The following TARS3 variants were observed in gnomAD, a reference collection of about 807,000 sequenced individuals.
The protein encoded by TARS3 is threonyl-tRNA synthetase 3.
In TARS3, 94 loss-of-function variants were observed where a neutral mutation model predicts 103.5. The ratio of observed to expected loss-of-function variants is 0.91; its 90% CI spans 0.77 to 1.08. The LOEUF (loss-of-function observed/expected upper bound fraction) is 1.08. Among genes scored for constraint, TARS3 ranks in the 50% least tolerant of loss-of-function variants. The pLI is 0.00. For missense variants in TARS3, 952 were observed against 995.2 expected (o/e 0.96, Z 0.58); for synonymous variants, 416 against 355.4 (o/e 1.17, Z -1.92).
At chr15:101,718,144 A>C (rs1238038790) in intron 3 of TARS3, among the ~76,000 whole-genome samples, 1 of 152,150 alleles carries the variant, frequency 6.6e-6, no homozygotes, top group Admixed American at 6.6e-5. Context: ...TGCTGTGGGC[A>C]GACCACCTGA....
At chr15:101,706,225 T>C (rs923466983) in intron 6 of TARS3, among the ~76,000 whole-genome samples, 5 of 152,194 alleles carry the variant, frequency 3.3e-5, no homozygotes, top group African/African-American at 1.2e-4. Context: ...TGACCTCTAG[T>C]GATCCGCCTG....
At chr15:101,657,447 G>A (rs754019889) in intron 17 of TARS3, among the ~76,000 whole-genome samples, 28 of 152,242 alleles carry the variant, frequency 1.8e-4, no homozygotes, top group Non-Finnish European at 3.4e-4. Flanking sequence ...CTGACTCGTA[G>A]GAACTGTGAG....
intron 2 of TARS3, 27 bp from the exon 3 acceptor site, chr15:101,721,349 T>C (rs1596333412): frequency 6.4e-7 from 1 of 1,574,492 alleles, no homozygotes; most frequent in East Asian, 2.3e-5. Context: ...CATAATGAGA[T>C]TAATATATAC....
rs150592784 is a variant in TARS3, at chr15:101,711,876, T to C, written c.812+4A>G. On this transcript the variant is annotated splice_donor_region_variant and intron_variant, in intron 5 of 18. Coordinates refer to ENST00000335968, the MANE Select transcript of TARS3 (RefSeq NM_152334.3). ...CATTCACAAGCCAGTATTCAGTGTGTTACCTGTCTTCAATGAACATGTCAT... is the reference window on the plus strand; with the variant it reads ...CATTCACAAGCCAGTATTCAGTGTGCTACCTGTCTTCAATGAACATGTCAT... The C allele has an allele frequency of 7.2e-3, 11,540 of 1,613,592 alleles. 59 individuals carry two copies. The highest frequency in any genetic ancestry group is 0.011 in the Admixed American group (649 of 59,966).
chr15:101,698,991 G>A (rs1260435274), intron 10 of TARS3, among the ~76,000 whole-genome samples: 1 of 152,112 alleles, frequency 6.6e-6, no homozygotes, highest in African/African-American at 2.4e-5. Context: ...AGTGGAAGCC[G>A]GCCCTAACCC....
At chr15:101,710,312 G>T (rs1241119777) in intron 5 of TARS3, among the ~76,000 whole-genome samples, 1 of 152,092 alleles carries the variant, frequency 6.6e-6, no homozygotes, top group East Asian at 1.9e-4. Flanking sequence ...TAATACACTG[G>T]TAAGGTAAGT....
intron 5 of TARS3, 94 bp downstream of exon 5, chr15:101,711,786 G>T: frequency 7.0e-7 from 1 of 1,438,244 alleles, no homozygotes; most frequent in Non-Finnish European, 9.4e-7. Flanking sequence ...TTATGTAAGG[G>T]CCAGCAGTAT....
chr15:101,708,605 T>C (rs1050692502), intron 6 of TARS3, among the ~76,000 whole-genome samples, 188 bp downstream of exon 6: 1 of 152,128 alleles, frequency 6.6e-6, no homozygotes, highest in Non-Finnish European at 1.5e-5. Flanking sequence ...ATGTCTCCCC[T>C]CAAATGTTCA....
rs139414116 is a variant in TARS3, at chr15:101,658,396, GA to G, written c.2073-540del. On this transcript the variant is annotated intron_variant, in intron 16 of 18. Transcript: ENST00000335968. ...GGCTCTTAAGGGAATTCCACTGAGTGAAAAAAAAAAAGCCTACTTCAAAAGT... is the reference window on the plus strand; with the variant it reads ...GGCTCTTAAGGGAATTCCACTGAGTGAAAAAAAAAAGCCTACTTCAAAAGT... Among the ~76,000 whole-genome samples, 929 of 138,204 alleles carry G rather than the reference GA, an allele frequency of 6.7e-3. 7 individuals carry two copies. The highest frequency in any genetic ancestry group is 0.012 in the Non-Finnish European group (733 of 63,316). The allele number at this position is 138,204 out of a possible 152,430, so 90.7% of individuals were successfully genotyped here.
intron 15 of TARS3, among the ~76,000 whole-genome samples, chr15:101,663,405 C>T (rs1041878777): frequency 2.0e-5 from 3 of 152,220 alleles, no homozygotes; most frequent in Non-Finnish European, 4.4e-5. Flanking sequence ...CTATCCCATA[C>T]AGCTTAAGTG....
intron 12 of TARS3, among the ~76,000 whole-genome samples, chr15:101,678,263 C>T (rs1296469187): frequency 6.6e-6 from 1 of 152,172 alleles, no homozygotes; most frequent in East Asian, 1.9e-4. Flanking sequence ...CAGGCATGAG[C>T]CACCTCACCC....
At position 101,684,755 on chromosome 15, in the gene TARS3, G is replaced by A. The variant is rs139111731; in HGVS notation, c.1488-518C>T. 3.2e-3 allele frequency among the ~76,000 whole-genome samples: 488 copies of A among 152,268 alleles called. 1 individual carries two copies. Among genetic ancestry groups the A allele is most frequent in the African/African-American group, 0.011 (476 of 41,562 alleles). On this transcript the variant is annotated intron_variant, in intron 11 of 18. Transcript: ENST00000335968. ...CCAAGCACAAAAAGCACTCAACTAT[G>A]TTCTCTGTTGAATGAAAGACTTCTC...
rs375324842 is a variant in TARS3 at position 101,702,245 on chromosome 15, G to A, written c.1215C>T (p.Ile405=). The A allele has an allele frequency of 2.5e-6, 4 of 1,614,012 alleles. No homozygotes were observed. Among genetic ancestry groups the A allele is most frequent in the South Asian group, 1.1e-5 (1 of 91,088 alleles). ...EEAKNRDHRK[I]GKEQELFFFH... is the part of the protein sequence containing the mutation. ...ATTAAGATGTGGGGCATACCTTCCC[G>A]ATCTTCCTGTGATCTCGGTTCTTTG... is the stretch of plus-strand genomic sequence containing the variant. Residue 405 remains isoleucine, a synonymous_variant, in exon 9 of 19, where the codon ATC becomes ATT. Coordinates refer to ENST00000335968, the MANE Select transcript of TARS3 (RefSeq NM_152334.3).
At chr15:101,700,132 G>A (rs1899187755) in intron 10 of TARS3, among the ~76,000 whole-genome samples, 1 of 152,094 alleles carries the variant, frequency 6.6e-6, no homozygotes, top group South Asian at 2.1e-4. Context: ...TTAGTGGTAG[G>A]CACATAAAAA....
At chr15:101,705,619 G>A (rs762993556) in intron 7 of TARS3, 64 bp downstream of exon 7, 17 of 1,379,970 alleles carry the variant, frequency 1.2e-5, no homozygotes, top group Non-Finnish European at 1.7e-5. Flanking sequence ...AAACAAACTC[G>A]GCCTCTACTG....
chr15:101,674,095 C>A (rs972835035), intron 13 of TARS3, among the ~76,000 whole-genome samples: 2 of 152,232 alleles, frequency 1.3e-5, no homozygotes, highest in Admixed American at 6.5e-5. Flanking sequence ...AAAGCACTCT[C>A]CTACTCTGCC....
At position 101,654,433 on chromosome 15, in the gene TARS3, A is replaced by G; in HGVS notation, c.*149T>C. The G allele has an allele frequency of 2.5e-6, 2 of 795,918 alleles. No homozygotes were observed. Among genetic ancestry groups the G allele is most frequent in the South Asian group, 4.4e-5 (2 of 45,540 alleles). The allele number at this position is 795,918 out of a possible 1,614,324, so 49.3% of individuals were successfully genotyped here. A position where few individuals can be genotyped will look rare whatever the true frequency, so the allele number is the denominator to read the frequency against. ...GAGTAAATTAAACTTCGTGCATGTC[A>G]GCTACACGTTCATCGTCTCCTTTCT... On this transcript the variant is annotated 3_prime_UTR_variant, in exon 19 of 19. Transcript: ENST00000335968.
In TARS3 at chr15:101,654,434, G is replaced by A. The variant is rs1249066631; in HGVS notation, c.*148C>T. On this transcript the variant is annotated 3_prime_UTR_variant, in exon 19 of 19. Transcript: ENST00000335968. Reference sequence around the variant, plus strand: ...AGTAAATTAAACTTCGTGCATGTCAGCTACACGTTCATCGTCTCCTTTCTC... The same window carrying A: ...AGTAAATTAAACTTCGTGCATGTCAACTACACGTTCATCGTCTCCTTTCTC... The A allele has an allele frequency of 1.2e-6, 1 of 808,766 alleles. No homozygotes were observed. The highest frequency in any genetic ancestry group is 2.8e-5 in the East Asian group (1 of 35,398). 50.1% of individuals were successfully genotyped at this position (808,766 alleles called of 1,614,324 possible). A position where few individuals can be genotyped will look rare whatever the true frequency, so the allele number is the denominator to read the frequency against.
intron 10 of TARS3, among the ~76,000 whole-genome samples, chr15:101,699,772 G>C (rs1316461511): frequency 2.0e-5 from 3 of 152,190 alleles, no homozygotes; most frequent in African/African-American, 7.2e-5. Context: ...AAAAGACGGA[G>C]AACAAGACTG....
Sources: gnomAD v4.1 joint callset for allele counts (sites outside exome capture counted in the v4.1 genomes callset) on GRCh38, gnomAD v4.1.1 for gene constraint, MANE v1.5 for transcripts, NCBI Gene and HGNC (gene_info 2026-07-23, HGNC 2026-07-21) for gene names.